CDKAL1: variants seen among roughly 807,000 people sequenced by gnomAD.
The protein encoded by CDKAL1 is threonylcarbamoyladenosine tRNA methylthiotransferase.
Under a neutral mutation model 68.2 loss-of-function variants are expected in CDKAL1, and 32 were observed. The ratio of observed to expected loss-of-function variants is 0.47; its 90% CI spans 0.35 to 0.63. CDKAL1 has a LOEUF of 0.63. Among genes scored for constraint, CDKAL1 ranks in the 30% least tolerant of loss-of-function variants. The probability of loss-of-function intolerance (pLI) is 0.00; values close to 1 mark genes in which losing one functional copy is unlikely to be tolerated. For missense variants in CDKAL1, 606 were observed against 696.7 expected, an observed-to-expected ratio of 0.87 and a Z score of 1.47; for synonymous variants, 234 against 244.3, an observed-to-expected ratio of 0.96 and a Z score of 0.39.
intron 4 of CDKAL1, among the ~76,000 whole-genome samples, chr6:20,593,387 G>A (rs768133850): frequency 2.0e-5 from 3 of 152,028 alleles, no homozygotes; most frequent in Admixed American, 6.5e-5. Flanking sequence ...CTTCTTTCTG[G>A]TTTAGTCTTG....
intron 13 of CDKAL1, chr6:21,135,553 C>T (rs952881747): frequency 7.2e-5 from 18 of 248,554 alleles, no homozygotes; most frequent in East Asian, 1.8e-4. Context: ...CTAGAGTTTA[C>T]GGGAGAGGTT....
chr6:20,632,442 T>C (rs1168554547), intron 4 of CDKAL1, among the ~76,000 whole-genome samples: 2 of 152,222 alleles, frequency 1.3e-5, no homozygotes, highest in Admixed American at 6.5e-5. Context: ...GTCGAATCAT[T>C]GTAAGTTGGA....
chr6:21,165,804 C>T (rs990366937), intron 13 of CDKAL1, among the ~76,000 whole-genome samples: 1 of 152,124 alleles, frequency 6.6e-6, no homozygotes, highest in Admixed American at 6.6e-5. Flanking sequence ...ATCCTATGAG[C>T]GTGCTGACTT....
At position 21,231,191 on chromosome 6, in the gene CDKAL1, CT is replaced by C. The variant is rs908024679; in HGVS notation, c.*153del. 5.6e-6 allele frequency: 3 copies of C among 531,628 alleles called. No homozygotes were observed. Among genetic ancestry groups the C allele is most frequent in the Non-Finnish European group, 9.6e-6 (3 of 311,416 alleles). The allele number at this position is 531,628 out of a possible 1,614,324, so 32.9% of individuals were successfully genotyped here. A position where few individuals can be genotyped will look rare whatever the true frequency, so the allele number is the denominator to read the frequency against. Reference sequence around the variant, plus strand: ...GCCACTCTTCTTAATGAGGCTCCCCCTGTCTCACATTGAGTTGGGCCCATTG... The same window carrying C: ...GCCACTCTTCTTAATGAGGCTCCCCCGTCTCACATTGAGTTGGGCCCATTG... On this transcript the variant is annotated 3_prime_UTR_variant, in exon 16 of 16. Coordinates refer to ENST00000274695, the MANE Select transcript of CDKAL1 (RefSeq NM_017774.3).
intron 10 of CDKAL1, among the ~76,000 whole-genome samples, chr6:20,962,558 CAT>C (rs1765106745): frequency 6.6e-6 from 1 of 152,180 alleles, no homozygotes; most frequent in African/African-American, 2.4e-5. Context: ...AAAAATGCCT[CAT>C]AGTTTCAAAA....
intron 9 of CDKAL1, among the ~76,000 whole-genome samples, chr6:20,921,949 T>G (rs958678911): frequency 2.6e-5 from 4 of 152,204 alleles, no homozygotes; most frequent in Non-Finnish European, 5.9e-5. Context: ...CAGGCCTGAT[T>G]TGCAGTTACT....
chr6:20,738,084 ATACCCT>A, intron 5 of CDKAL1, among the ~76,000 whole-genome samples: 1 of 152,332 alleles, frequency 6.6e-6, no homozygotes, highest in East Asian at 1.9e-4. Flanking sequence ...TCAGCTGCTA[ATACCCT>A]TACCTTTCTC....
intron 5 of CDKAL1, among the ~76,000 whole-genome samples, chr6:20,695,225 T>G (rs1771056642): frequency 6.6e-6 from 1 of 152,196 alleles, no homozygotes; most frequent in South Asian, 2.1e-4. Context: ...AACTGGATTT[T>G]CTCATGCTTC....
intron 4 of CDKAL1, among the ~76,000 whole-genome samples, chr6:20,618,686 T>G (rs1028229336): frequency 4.1e-5 from 6 of 144,900 alleles, no homozygotes; most frequent in Non-Finnish European, 7.5e-5. Flanking sequence ...ATTCTTTTCG[T>G]TTTTTTTTTG....
At chr6:20,776,545 G>A (rs112006022) in intron 7 of CDKAL1, among the ~76,000 whole-genome samples, 15 of 152,304 alleles carry the variant, frequency 9.8e-5, no homozygotes, top group African/African-American at 3.4e-4. Context: ...AATGACAGGC[G>A]ATGAAACATG....
chr6:20,723,383 T>C (rs1026420067), intron 5 of CDKAL1, among the ~76,000 whole-genome samples: 1 of 152,268 alleles, frequency 6.6e-6, no homozygotes, highest in African/African-American at 2.4e-5. Context: ...TGAGGCGACA[T>C]GCCTGGTCTG....
intron 12 of CDKAL1, among the ~76,000 whole-genome samples, chr6:21,103,284 G>A (rs769117121): frequency 1.9e-4 from 29 of 152,170 alleles, no homozygotes; most frequent in Non-Finnish European, 3.8e-4. Flanking sequence ...GTTATTACAT[G>A]CGGGGCCTCT....
intron 8 of CDKAL1, among the ~76,000 whole-genome samples, chr6:20,787,400 A>G (rs1360471188): frequency 6.6e-6 from 1 of 152,196 alleles, no homozygotes; most frequent in Non-Finnish European, 1.5e-5. Flanking sequence ...AAATATTTGA[A>G]TGGATATTTC....
chr6:20,866,875 C>G (rs910120450), intron 9 of CDKAL1, among the ~76,000 whole-genome samples: 2 of 152,148 alleles, frequency 1.3e-5, no homozygotes, highest in Non-Finnish European at 2.9e-5. Context: ...GTTACTATTG[C>G]CTAAACATGC....
At chr6:21,118,379 C>T (rs1419352422) in intron 13 of CDKAL1, among the ~76,000 whole-genome samples, 1 of 152,140 alleles carries the variant, frequency 6.6e-6, no homozygotes, top group African/African-American at 2.4e-5. Flanking sequence ...GACTGGGCTC[C>T]CCAGGTCTGC....
At chr6:21,193,782 C>G (rs1005562258) in intron 13 of CDKAL1, among the ~76,000 whole-genome samples, 1 of 152,300 alleles carries the variant, frequency 6.6e-6, no homozygotes, top group South Asian at 2.1e-4. Flanking sequence ...TGTTACAATT[C>G]TCTTGACGCC....
At chr6:21,132,529 T>TA (rs1399364524) in intron 13 of CDKAL1, among the ~76,000 whole-genome samples, 1 of 151,428 alleles carries the variant, frequency 6.6e-6, no homozygotes, top group Admixed American at 6.6e-5. Flanking sequence ...TCCTTTTTTT[T>TA]ATTATTGCTT....
At chr6:20,630,029 T>G (rs1767606260) in intron 4 of CDKAL1, among the ~76,000 whole-genome samples, 1 of 152,004 alleles carries the variant, frequency 6.6e-6, no homozygotes. Context: ...AATTTTTGTA[T>G]TTTTAGGTAG....
At chr6:20,957,618 G>C (rs781453785) in intron 10 of CDKAL1, among the ~76,000 whole-genome samples, 23 of 152,126 alleles carry the variant, frequency 1.5e-4, no homozygotes, top group Non-Finnish European at 2.1e-4. Flanking sequence ...TGTTATATCT[G>C]TCTGTGGATC....
Sources: allele counts gnomAD v4.1 joint callset (sites outside exome capture counted in the v4.1 genomes callset), GRCh38; gene constraint gnomAD v4.1.1; transcripts MANE v1.5; gene names NCBI Gene and HGNC (gene_info 2026-07-23, HGNC 2026-07-21).